The following PCDH15 variants were observed in gnomAD, a reference collection of about 807,000 sequenced individuals.
PCDH15 encodes protocadherin related 15.
PCDH15 carries 129 observed loss-of-function variants against 178.5 expected under a neutral mutation model. That is an observed-to-expected ratio of 0.72 (90% CI 0.63 to 0.84). The LOEUF (loss-of-function observed/expected upper bound fraction) is 0.84. Ranked by LOEUF, PCDH15 falls within the 40% of genes least tolerant of loss-of-function variation. The probability of loss-of-function intolerance (pLI) is 0.00; values close to 1 mark genes in which losing one functional copy is unlikely to be tolerated. For synonymous variants in PCDH15, 800 were observed against 732.0 expected, an observed-to-expected ratio of 1.09 and a Z score of -1.50; for missense variants, 2,230 against 2,099.9, an observed-to-expected ratio of 1.06 and a Z score of -1.21.
rs557987763 is a variant in PCDH15, at chr10:54,374,221, A to G, written c.318+4561T>C. 1.3e-3 allele frequency among the ~76,000 whole-genome samples: 199 copies of G among 152,216 alleles called. 1 individual carries two copies. Among genetic ancestry groups the G allele is most frequent in the African/African-American group, 2.6e-3 (106 of 41,552 alleles). On this transcript the variant is annotated intron_variant, in intron 4 of 37. Transcript: ENST00000644397. ...GTTGACTGATGGAGATGCAAGATAC[A>G]AGGTGGAGATAAAACTACTAAACTT...
intron 1 of PCDH15, among the ~76,000 whole-genome samples, chr10:55,317,206 T>A (rs558612043): frequency 6.6e-6 from 1 of 152,284 alleles, no homozygotes; most frequent in East Asian, 1.9e-4. Context: ...CTCAACACAT[T>A]GTTGTGATTA....
chr10:54,054,038 C>T (rs568770861), intron 18 of PCDH15, among the ~76,000 whole-genome samples: 2 of 152,164 alleles, frequency 1.3e-5, no homozygotes, highest in African/African-American at 4.8e-5. Flanking sequence ...TAGCATTTGG[C>T]TTGGGGAATA....
chr10:54,520,462 A>C (rs1345349871), intron 3 of PCDH15, among the ~76,000 whole-genome samples: 1 of 152,186 alleles, frequency 6.6e-6, no homozygotes, highest in East Asian at 1.9e-4. Flanking sequence ...CACATGAAAA[A>C]ATGCTCATCA....
chr10:54,509,459 C>T (rs1037798401), intron 3 of PCDH15, among the ~76,000 whole-genome samples: 2 of 152,102 alleles, frequency 1.3e-5, no homozygotes, highest in African/African-American at 4.8e-5. Flanking sequence ...GTCCATTAAA[C>T]CTCTTTTTCT....
At chr10:55,092,342 ATTACC>A (rs1842338715) in intron 2 of PCDH15, among the ~76,000 whole-genome samples, 2 of 151,950 alleles carry the variant, frequency 1.3e-5, no homozygotes, top group East Asian at 3.9e-4. Context: ...AACTCTGTAG[ATTACC>A]TATTTTTTCT....
chr10:54,626,243 T>C (rs2093545736), intron 2 of PCDH15, among the ~76,000 whole-genome samples: 1 of 152,150 alleles, frequency 6.6e-6, no homozygotes, highest in Non-Finnish European at 1.5e-5. Context: ...GAAAATCCCA[T>C]TTTCTGAGAA....
chr10:54,828,693 G>A (rs1246347362), intron 3 of PCDH15, among the ~76,000 whole-genome samples: 1 of 151,832 alleles, frequency 6.6e-6, no homozygotes, highest in African/African-American at 2.4e-5. Flanking sequence ...TATATGTCAG[G>A]CATGGCTCTA....
rs145259895 is a variant in PCDH15 at position 55,544,069 on chromosome 10, G to A, written c.-156+83556C>T. Among the ~76,000 whole-genome samples the A allele has an allele frequency of 3.9e-3, 560 of 144,072 alleles. 1 individual carries two copies. Among genetic ancestry groups the A allele is most frequent in the Admixed American group, 5.2e-3 (73 of 13,962 alleles). 94.5% of individuals were successfully genotyped at this position (144,072 alleles called of 152,430 possible). The stretch of plus-strand genomic sequence containing the variant: ...TTCTGATTAAACGCCATTTATTCAC[G>A]GAACCAGGTAAGATGCAGATCAACT... On this transcript the variant is annotated intron_variant, in intron 2 of 5. Transcript: ENST00000613346.
In PCDH15 at chr10:53,820,975, T is replaced by C. The variant is rs558337461; in HGVS notation, c.4368-745A>G. Reference sequence around the variant, plus strand: ...ATTTCATTTATTAAACTGAAGATCATACTTTCTTTAAAAAGGAATCTTATG... The same window carrying C: ...ATTTCATTTATTAAACTGAAGATCACACTTTCTTTAAAAAGGAATCTTATG... On this transcript the variant is annotated intron_variant, in intron 32 of 37. Transcript: ENST00000644397. 56 of 457,500 alleles carry C rather than the reference T, an allele frequency of 1.2e-4. No homozygotes were observed. In the South Asian group the frequency reaches 3.6e-3, roughly 29 times the overall value. The allele number at this position is 457,500 out of a possible 1,614,324, so 28.3% of individuals were successfully genotyped here. A position where few individuals can be genotyped will look rare whatever the true frequency, so the allele number is the denominator to read the frequency against.
At chr10:55,341,791 ATATATATATATATATTTTTTTTTTTTTT>A (rs1302053490) in intron 2 of PCDH15, among the ~76,000 whole-genome samples, 12 of 13,474 alleles carry the variant, frequency 8.9e-4, no homozygotes, top group East Asian at 3.3e-3. Flanking sequence ...ATATATATAT[ATATATATATATATATTTTTTTTTTTTTT>A]TTTTTTTTTT....
chr10:54,581,171 T>C (rs1460544389), intron 2 of PCDH15, among the ~76,000 whole-genome samples: 1 of 152,088 alleles, frequency 6.6e-6, no homozygotes, highest in Non-Finnish European at 1.5e-5. Context: ...TTGCTGACTA[T>C]ATGTTTCTAC....
chr10:55,000,852 C>A (rs964173865), intron 2 of PCDH15, among the ~76,000 whole-genome samples: 21 of 152,170 alleles, frequency 1.4e-4, no homozygotes, highest in African/African-American at 4.8e-4. Flanking sequence ...ACTCCAGCAT[C>A]CCTGAACTCT....
chr10:54,068,656 C>A (rs1362141879), intron 17 of PCDH15, among the ~76,000 whole-genome samples: 2 of 152,096 alleles, frequency 1.3e-5, no homozygotes, highest in African/African-American at 4.8e-5. Context: ...ATAATCCCTA[C>A]ATGGTGATAA....
intron 3 of PCDH15, among the ~76,000 whole-genome samples, chr10:54,488,422 G>A (rs1213768543): frequency 2.0e-5 from 3 of 151,392 alleles, no homozygotes; most frequent in Non-Finnish European, 3.0e-5. Context: ...GTTTGAAAAT[G>A]TCTTAATGTT....
chr10:54,272,037 T>TGA (rs2058081398), intron 8 of PCDH15, among the ~76,000 whole-genome samples: 15 of 145,820 alleles, frequency 1.0e-4, no homozygotes, highest in African/African-American at 2.7e-4. Flanking sequence ...ATATAATATA[T>TGA]TATATATATA....
chr10:54,877,936 C>T (rs61854480), intron 3 of PCDH15, among the ~76,000 whole-genome samples: 23 of 104,310 alleles, frequency 2.2e-4, no homozygotes, highest in Non-Finnish European at 4.0e-4. Context: ...CTCTCTCTCT[C>T]TCTTTTTTTT....
intron 1 of PCDH15, among the ~76,000 whole-genome samples, chr10:54,700,877 T>C (rs115764150): frequency 1.8e-3 from 272 of 152,122 alleles, no homozygotes; most frequent in African/African-American, 6.2e-3. Context: ...TGTGAGATAC[T>C]ATACAAGGTG....
At chr10:54,043,233 G>A (rs2093587323) in intron 18 of PCDH15, among the ~76,000 whole-genome samples, 1 of 152,078 alleles carries the variant, frequency 6.6e-6, no homozygotes. Context: ...AAGAATAAAT[G>A]AAGCTCAGAA....
At chr10:54,967,454 T>TTGATTTTTTTA (rs1371280587) in intron 2 of PCDH15, among the ~76,000 whole-genome samples, 1 of 152,172 alleles carries the variant, frequency 6.6e-6, no homozygotes, top group African/African-American at 2.4e-5. Context: ...TGTAACAGTA[T>TTGATTTTTTTA]TGATTTTTTT....
Sources: gnomAD v4.1 joint callset for allele counts (sites outside exome capture counted in the v4.1 genomes callset) on GRCh38, gnomAD v4.1.1 for gene constraint, MANE v1.5 for transcripts, NCBI Gene and HGNC (gene_info 2026-07-23, HGNC 2026-07-21) for gene names.